The following ABCB5 variants were observed in gnomAD, a reference collection of about 807,000 sequenced individuals.
The protein encoded by ABCB5 is ATP binding cassette subfamily B member 5.
A neutral mutation model predicts 144.2 loss-of-function variants in ABCB5; 155 were observed. The observed-to-expected ratio is 1.08, with a 90% CI of 0.94 to 1.23. The LOEUF is 1.23. ABCB5 is among the 50% of genes most tolerant of loss of function. The probability of loss-of-function intolerance (pLI) is 0.00; values close to 1 mark genes in which losing one functional copy is unlikely to be tolerated. For missense variants in ABCB5, 1,830 were observed against 1,520.8 expected (o/e 1.20, Z -3.38); for synonymous variants, 610 against 528.6 (o/e 1.15, Z -2.11).
rs143158934 is a variant in ABCB5 at position 20,725,698 on chromosome 7, T to C, written c.2626-1342T>C. Among the ~76,000 whole-genome samples, 218 of 152,338 alleles carry C rather than the reference T, an allele frequency of 1.4e-3. 4 individuals carry two copies. The East Asian group carries it at 0.033, about 23-fold the overall frequency. ...TGAAAAATTGGAGATTTTTTTAATG[T>C]TCATTCCTTTTTTTATCTTCATTCC... is the stretch of plus-strand genomic sequence containing the variant. On this transcript the variant is annotated intron_variant, in intron 21 of 27. Coordinates refer to ENST00000404938, the MANE Select transcript of ABCB5 (RefSeq NM_001163941.2).
intron 16 of ABCB5, among the ~76,000 whole-genome samples, chr7:20,690,930 A>G (rs1014767524): frequency 6.6e-6 from 1 of 152,200 alleles, no homozygotes; most frequent in Non-Finnish European, 1.5e-5. Context: ...AGAGATTTTC[A>G]CTTTCAACCA....
chr7:20,641,493 G>T (rs752197028), intron 5 of ABCB5: 1 of 152,538 alleles, frequency 6.6e-6, no homozygotes, highest in African/African-American at 2.4e-5. Context: ...GGACAGCCTG[G>T]GCAACATACC....
intron 14 of ABCB5, chr7:20,666,835 G>T (rs1785212909): frequency 6.5e-7 from 1 of 1,536,618 alleles, no homozygotes; most frequent in Admixed American, 2.1e-5. Context: ...ACAGTGGTAT[G>T]AATTGCACTA....
intron 23 of ABCB5, among the ~76,000 whole-genome samples, chr7:20,732,806 C>A (rs1583458654): frequency 6.6e-6 from 1 of 152,134 alleles, no homozygotes; most frequent in African/African-American, 2.4e-5. Context: ...TAGATTAAAG[C>A]TAAGAAAAAA....
intron 13 of ABCB5, among the ~76,000 whole-genome samples, chr7:20,654,915 A>G (rs1018669086): frequency 4.6e-5 from 7 of 152,080 alleles, no homozygotes; most frequent in African/African-American, 1.7e-4. Flanking sequence ...CACCTACAGA[A>G]ACTAGAGAAG....
chr7:20,646,042 C>T lies in ABCB5; in HGVS notation c.885C>T (p.Tyr295=), dbSNP rs775911583. 1.2e-6 allele frequency: 2 copies of T among 1,613,710 alleles called. No individual in the cohort carries two copies. Among genetic ancestry groups the T allele is most frequent in the East Asian group, 4.5e-5 (2 of 44,886 alleles). Reference sequence around the variant, plus strand: ...CAAAAGTGTCTCTTGGTGCTGTGTACTTCTTTATGAATGGAACCTATGGAC... The same window carrying T: ...CAAAAGTGTCTCTTGGTGCTGTGTATTTCTTTATGAATGGAACCTATGGAC... ...IASKVSLGAV[Y]FFMNGTYGLA... is the part of the protein sequence containing the mutation. The change falls in exon 9 of 28, where the codon TAC becomes TAT. Residue 295 remains tyrosine, a synonymous_variant. Transcript: ENST00000404938.
At position 20,666,177 on chromosome 7, in the gene ABCB5, A is replaced by G. The variant is rs57325000; in HGVS notation, c.1707+7501A>G. Among the ~76,000 whole-genome samples, 3 of 123,894 alleles carry G rather than the reference A, an allele frequency of 2.4e-5. No individual in the cohort carries two copies. In the East Asian group the frequency reaches 7.2e-4, roughly 30 times the overall value. 81.3% of individuals were successfully genotyped at this position (123,894 alleles called of 152,430 possible). ...AAGAGTGAAACTCTGTCTCAAAAAA[A>G]AAAAAAAAAAAAGTTGACGATAACA... On this transcript the variant is annotated intron_variant, in intron 14 of 27. Coordinates refer to ENST00000404938, the MANE Select transcript of ABCB5 (RefSeq NM_001163941.2).
Position 20,650,060 on chromosome 7 carries a change from G to T in ABCB5, c.1245G>T (p.Glu415Asp). The T allele has an allele frequency of 6.2e-7, 1 of 1,613,510 alleles. No individual in the cohort carries two copies. Among genetic ancestry groups the T allele is most frequent in the African/African-American group, 1.3e-5 (1 of 75,024 alleles). The change falls in exon 12 of 28, where the codon GAG becomes GAT. Residue 415 changes from glutamate to aspartate, a missense_variant. By Grantham distance (45) the Glu-to-Asp change is conservative. Coordinates refer to ENST00000404938, the MANE Select transcript of ABCB5 (RefSeq NM_001163941.2). ...KGLNLRIKSGETVALVGLNGS... is the reference protein window; with the variant it reads ...KGLNLRIKSGDTVALVGLNGS... ...TGAATCTCAGAATTAAGTCTGGAGAGACAGTCGCCTTGGTCGGTCTCAATG... is the reference window on the plus strand; with the variant it reads ...TGAATCTCAGAATTAAGTCTGGAGATACAGTCGCCTTGGTCGGTCTCAATG...
chr7:20,710,725 A>G lies in ABCB5; in HGVS notation c.2421+5918A>G, dbSNP rs528574323. ...AGTGTGATTCTCACAGGCAGCATAT[A>G]AGTCTCTTTGAATATCTGAATGGGA... On this transcript the variant is annotated intron_variant, in intron 20 of 27. Coordinates refer to ENST00000404938, the MANE Select transcript of ABCB5 (RefSeq NM_001163941.2). Among the ~76,000 whole-genome samples the G allele has an allele frequency of 4.4e-4, 66 of 150,076 alleles. 5 individuals carry two copies. The South Asian group carries it at 0.013, about 29-fold the overall frequency.
intron 10 of ABCB5, 21 bp from the exon 11 acceptor site, chr7:20,647,947 C>G: frequency 7.0e-7 from 1 of 1,434,948 alleles, no homozygotes; most frequent in Non-Finnish European, 9.8e-7. Flanking sequence ...AGATTTATAA[C>G]ATTTCCTTTG....
At chr7:20,659,909 C>G in intron 14 of ABCB5, 4 of 946,460 alleles carry the variant, frequency 4.2e-6, no homozygotes, top group Non-Finnish European at 5.0e-6. Flanking sequence ...GTCTCAAACT[C>G]CTGACCTCAG....
At chr7:20,742,786 A>T in intron 24 of ABCB5, 91 bp from the exon 25 acceptor site, 2 of 1,289,506 alleles carry the variant, frequency 1.6e-6, no homozygotes, top group Non-Finnish European at 1.1e-6. Flanking sequence ...GGAAACATGC[A>T]CAATTTTCAA....
chr7:20,715,700 G>C (rs545584660), intron 20 of ABCB5, among the ~76,000 whole-genome samples: 1 of 151,386 alleles, frequency 6.6e-6, no homozygotes, highest in Admixed American at 6.6e-5. Context: ...ATGAGCCACC[G>C]CACCCAGCCT....
In ABCB5 at chr7:20,650,238, C is replaced by T; in HGVS notation, c.1332+91C>T. ...CAGCTCTGTAACTTTTCATTTTCAA[C>T]AGTAGAGCTGGGAGAGAAGCCATAT... is the stretch of plus-strand genomic sequence containing the variant. On this transcript the variant is annotated intron_variant, in intron 12 of 27. Transcript: ENST00000404938. 6 of 1,492,920 alleles carry T rather than the reference C, an allele frequency of 4.0e-6. No homozygotes were observed. In the South Asian group the frequency reaches 7.8e-5, roughly 19 times the overall value. 92.5% of individuals were successfully genotyped at this position (1,492,920 alleles called of 1,614,324 possible). A position where few individuals can be genotyped will look rare whatever the true frequency, so the allele number is the denominator to read the frequency against.
At chr7:20,645,919 A>G (rs1406310909) in intron 8 of ABCB5, 39 bp downstream of exon 8, 2 of 1,612,492 alleles carry the variant, frequency 1.2e-6, no homozygotes. Flanking sequence ...GCTTGGTTTT[A>G]TTTTCCCCAG....
chr7:20,728,337 A>T lies in ABCB5; in HGVS notation c.2749A>T (p.Ile917Phe). The T allele has an allele frequency of 6.2e-7, 1 of 1,614,072 alleles. No individual in the cohort carries two copies. The highest frequency in any genetic ancestry group is 1.1e-5 in the South Asian group (1 of 91,066). Residue 917 changes from isoleucine (I) to phenylalanine (F), a missense_variant, in exon 23 of 28, where the codon ATT becomes TTT. Transcript: ENST00000404938. ...QHRNTSKKAQIIGSCYAFSHA... is the reference protein window; with the variant it reads ...QHRNTSKKAQFIGSCYAFSHA... ...CAGAAATACCTCGAAGAAAGCACAGATTATTGGAAGCTGTTATGCATTCAG... is the reference window on the plus strand; with the variant it reads ...CAGAAATACCTCGAAGAAAGCACAGTTTATTGGAAGCTGTTATGCATTCAG...
intron 24 of ABCB5, 37 bp downstream of exon 24, chr7:20,739,176 A>G: frequency 6.6e-7 from 1 of 1,523,328 alleles, no homozygotes; most frequent in Non-Finnish European, 8.8e-7. Flanking sequence ...CCAAATAAAG[A>G]TGGCAACAGT....
At chr7:20,664,064 T>C (rs1785092866) in intron 14 of ABCB5, among the ~76,000 whole-genome samples, 1 of 151,312 alleles carries the variant, frequency 6.6e-6, no homozygotes, top group South Asian at 2.1e-4. Context: ...GAGAGATTAG[T>C]AATCTAAGCC....
chr7:20,738,463 G>A (rs1178399540), intron 23 of ABCB5, among the ~76,000 whole-genome samples: 1 of 152,160 alleles, frequency 6.6e-6, no homozygotes, highest in South Asian at 2.1e-4. Context: ...TTGGGAACCT[G>A]AGGAAAATAC....
Sources: allele counts gnomAD v4.1 joint callset (sites outside exome capture counted in the v4.1 genomes callset), GRCh38; gene constraint gnomAD v4.1.1; transcripts MANE v1.5; gene names NCBI Gene and HGNC (gene_info 2026-07-23, HGNC 2026-07-21).